TJP1: variants seen among roughly 807,000 people sequenced by gnomAD.
TJP1 encodes tight junction protein 1.
A neutral mutation model predicts 194.2 loss-of-function variants in TJP1; 43 were observed. The ratio of observed to expected loss-of-function variants is 0.22; its 90% CI spans 0.17 to 0.29. The LOEUF (loss-of-function observed/expected upper bound fraction) is 0.29. Among genes scored for constraint, TJP1 ranks in the 10% least tolerant of loss-of-function variants. The pLI is 1.00. For missense variants in TJP1, 1,971 were observed against 2,185.7 expected (o/e 0.90, Z 1.96); for synonymous variants, 801 against 779.0 (o/e 1.03, Z -0.47).
chr15:29,762,324 T>C lies in TJP1; in HGVS notation c.693+11A>G, dbSNP rs562724045. 8 of 1,598,010 alleles carry C rather than the reference T, an allele frequency of 5.0e-6. No homozygotes were observed. Among genetic ancestry groups the C allele is most frequent in the African/African-American group, 1.3e-5 (1 of 74,610 alleles). On this transcript the variant is annotated intron_variant, in intron 6 of 27. Transcript: ENST00000614355. ...ATTTCAGTTCATTAAAAAGTAAGAA[T>C]ATGATTATACCTTCAATACAACATC...
At chr15:29,775,419 T>C (rs1423517450) in intron 2 of TJP1, among the ~76,000 whole-genome samples, 1 of 152,112 alleles carries the variant, frequency 6.6e-6, no homozygotes, top group African/African-American at 2.4e-5. Flanking sequence ...AAATTTGTGC[T>C]GGTTTTGCTG....
At position 29,875,440 on chromosome 15, in the gene TJP1, C is replaced by T. The variant is rs544028837; in HGVS notation, c.307-74738G>A. Among the ~76,000 whole-genome samples, 17 of 152,306 alleles carry T rather than the reference C, an allele frequency of 1.1e-4. No homozygotes were observed. In the East Asian group the frequency reaches 2.9e-3, roughly 26 times the overall value. ...GCATCCCCTTTTCCAACTACTATTCCTAAAGCAAATCATGCATTTGCTTTT... is the reference window on the plus strand; with the variant it reads ...GCATCCCCTTTTCCAACTACTATTCTTAAAGCAAATCATGCATTTGCTTTT... On this transcript the variant is annotated intron_variant, in intron 2 of 28. Transcript: ENST00000356107.
At chr15:29,721,749 T>C (rs962007758) in intron 18 of TJP1, among the ~76,000 whole-genome samples, 2 of 152,198 alleles carry the variant, frequency 1.3e-5, no homozygotes, top group Non-Finnish European at 2.9e-5. Flanking sequence ...TTGACCAAAA[T>C]GCTAATAGTG....
At chr15:29,837,076 T>C (rs1391550065) in intron 2 of TJP1, among the ~76,000 whole-genome samples, 2 of 152,260 alleles carry the variant, frequency 1.3e-5, no homozygotes. Flanking sequence ...CATGTGTTAC[T>C]GCTTTAACAC....
At chr15:29,814,154 A>G (rs2049731821) in intron 1 of TJP1, among the ~76,000 whole-genome samples, 2 of 152,228 alleles carry the variant, frequency 1.3e-5, no homozygotes, top group African/African-American at 4.8e-5. Flanking sequence ...AAAAATACAG[A>G]AACTCTGCTA....
At chr15:29,831,147 AAAAGAGGAG>A (rs1205697413) in intron 2 of TJP1, among the ~76,000 whole-genome samples, 5 of 152,244 alleles carry the variant, frequency 3.3e-5, no homozygotes, top group African/African-American at 1.2e-4. Context: ...GCTGTCAATT[AAAAGAGGAG>A]AAAGAGGAGA....
chr15:29,815,152 C>T (rs983469424), intron 1 of TJP1, among the ~76,000 whole-genome samples: 1 of 152,176 alleles, frequency 6.6e-6, no homozygotes, highest in African/African-American at 2.4e-5. Flanking sequence ...AAGCACCTGG[C>T]TAGCCCATAA....
intron 8 of TJP1, among the ~76,000 whole-genome samples, chr15:29,753,470 C>A (rs1482414164): frequency 2.0e-5 from 2 of 101,876 alleles, no homozygotes; most frequent in African/African-American, 4.0e-5. Flanking sequence ...GGAGACAGAG[C>A]AAGACTCTGT....
chr15:29,965,013 G>T (rs1194023933), intron 1 of TJP1, among the ~76,000 whole-genome samples: 1 of 152,092 alleles, frequency 6.6e-6, no homozygotes, highest in Non-Finnish European at 1.5e-5. Context: ...AAACTGACAG[G>T]CACAAATGCC....
chr15:29,878,107 T>C (rs750126638), intron 2 of TJP1, among the ~76,000 whole-genome samples: 2 of 152,130 alleles, frequency 1.3e-5, no homozygotes, highest in African/African-American at 2.4e-5. Context: ...TGGAGTGCAG[T>C]GGTGCGATCT....
In TJP1 at chr15:29,822,327, G is replaced by C. The variant is rs2152021595; in HGVS notation, c.-299C>G. 9.2e-7 allele frequency: 1 copy of C among 1,083,594 alleles called. No homozygotes were observed. Among genetic ancestry groups the C allele is most frequent in the Admixed American group, 5.3e-5 (1 of 18,964 alleles). The allele number at this position is 1,083,594 out of a possible 1,614,324, so 67.1% of individuals were successfully genotyped here. On this transcript the variant is annotated 5_prime_UTR_variant, in exon 1 of 28. Transcript: ENST00000614355. ...CAGCCCGGCCACGTCGGCCTCGCCC[G>C]GTCGCCCGCCCGTCAGCAGCACCCG...
intron 2 of TJP1, among the ~76,000 whole-genome samples, chr15:29,941,063 T>C (rs2055056350): frequency 6.6e-6 from 1 of 152,130 alleles, no homozygotes; most frequent in Non-Finnish European, 1.5e-5. Context: ...CTCTGTTCTG[T>C]GAATGTATTA....
At chr15:29,907,239 C>T (rs1283453211) in intron 2 of TJP1, among the ~76,000 whole-genome samples, 1 of 152,016 alleles carries the variant, frequency 6.6e-6, no homozygotes, top group Non-Finnish European at 1.5e-5. Flanking sequence ...GAAACCCCAT[C>T]TCCACTAAAA....
intron 1 of TJP1, among the ~76,000 whole-genome samples, chr15:29,967,623 C>A (rs1025051047): frequency 3.9e-5 from 6 of 152,172 alleles, no homozygotes; most frequent in African/African-American, 1.4e-4. Context: ...CTTCAAAATT[C>A]TCCACTTTTA....
chr15:29,853,144 C>A (rs2051710729), intron 2 of TJP1, among the ~76,000 whole-genome samples: 1 of 152,116 alleles, frequency 6.6e-6, no homozygotes, highest in Non-Finnish European at 1.5e-5. Context: ...AAGCCAATCC[C>A]AAAAGTTTCA....
chr15:29,897,218 C>T (rs2053502973), intron 2 of TJP1, among the ~76,000 whole-genome samples: 2 of 152,184 alleles, frequency 1.3e-5, no homozygotes, highest in Admixed American at 6.5e-5. Flanking sequence ...TAGTGCCCTG[C>T]ATCCCAGTCG....
chr15:29,957,703 C>T (rs2055999825), intron 1 of TJP1, among the ~76,000 whole-genome samples: 1 of 152,138 alleles, frequency 6.6e-6, no homozygotes, highest in Non-Finnish European at 1.5e-5. Flanking sequence ...TGTTACCAAA[C>T]CATACAGCAA....
At chr15:29,810,175 A>G (rs1316893494) in intron 1 of TJP1, among the ~76,000 whole-genome samples, 2 of 152,158 alleles carry the variant, frequency 1.3e-5, no homozygotes, top group Non-Finnish European at 2.9e-5. Flanking sequence ...AGATGAAAAG[A>G]TATCTGGCAT....
At chr15:29,918,484 G>A (rs754919789) in intron 2 of TJP1, among the ~76,000 whole-genome samples, 1 of 152,140 alleles carries the variant, frequency 6.6e-6, no homozygotes, top group African/African-American at 2.4e-5. Flanking sequence ...CCTGTAATCC[G>A]AGTACTGTGG....
Sources: allele counts gnomAD v4.1 joint callset (sites outside exome capture counted in the v4.1 genomes callset), GRCh38; gene constraint gnomAD v4.1.1; transcripts MANE v1.5; gene names NCBI Gene and HGNC (gene_info 2026-07-23, HGNC 2026-07-21).